Variants in LIPC observed in about 807,000 individuals in gnomAD.
LIPC encodes the protein lipase C, hepatic type, also known as hepatic triacylglycerol lipase.
Under a neutral mutation model 50.7 loss-of-function variants are expected in LIPC, and 44 were observed. The ratio of observed to expected loss-of-function variants is 0.87; its 90% CI spans 0.68 to 1.11. LIPC has a LOEUF of 1.11. LIPC is among the 50% of genes most tolerant of loss of function. The pLI is 0.00. For synonymous variants in LIPC, 271 were observed against 256.4 expected (o/e 1.06, Z -0.54); for missense variants, 697 against 648.2 (o/e 1.08, Z -0.82).
intron 1 of LIPC, among the ~76,000 whole-genome samples, chr15:58,519,777 C>T (rs1204380199): frequency 6.6e-6 from 1 of 152,162 alleles, no homozygotes; most frequent in Non-Finnish European, 1.5e-5. Flanking sequence ...CATCAGCAGC[C>T]CTTGCTCTTA....
At chr15:58,505,982 A>T (rs1410928755) in intron 1 of LIPC, among the ~76,000 whole-genome samples, 1 of 152,012 alleles carries the variant, frequency 6.6e-6, no homozygotes, top group Non-Finnish European at 1.5e-5. Context: ...TGGGCTTTGG[A>T]TAGAGGAATT....
intron 1 of LIPC, among the ~76,000 whole-genome samples, chr15:58,501,574 A>G (rs1891986460): frequency 1.3e-5 from 2 of 152,156 alleles, no homozygotes; most frequent in Non-Finnish European, 2.9e-5. Context: ...TTTAGTTTTT[A>G]TAAGAACTTC....
At chr15:58,560,725 CA>C (rs1345869594) in intron 6 of LIPC, 138 bp from the exon 7 acceptor site, 13 of 610,054 alleles carry the variant, frequency 2.1e-5, no homozygotes, top group African/African-American at 1.5e-4. Context: ...CATTTAGGAG[CA>C]AAAAAATGTT....
chr15:58,442,876 A>G (rs375028890), intron 1 of LIPC, among the ~76,000 whole-genome samples: 1 of 152,178 alleles, frequency 6.6e-6, no homozygotes, highest in African/African-American at 2.4e-5. Context: ...CAGAGCCCAC[A>G]TGGGTATCTG....
chr15:58,564,908 C>T (rs1273835046), intron 8 of LIPC, among the ~76,000 whole-genome samples: 2 of 152,132 alleles, frequency 1.3e-5, no homozygotes, highest in Non-Finnish European at 2.9e-5. Context: ...CTCTTCCCTT[C>T]TCTATTCAGG....
chr15:58,560,313 A>G (rs1286730114), intron 6 of LIPC, among the ~76,000 whole-genome samples: 4 of 152,224 alleles, frequency 2.6e-5, no homozygotes, highest in Non-Finnish European at 5.9e-5. Flanking sequence ...CCATTAGGAA[A>G]TACACTTATT....
intron 1 of LIPC, among the ~76,000 whole-genome samples, chr15:58,519,443 T>C (rs1422378376): frequency 1.3e-5 from 2 of 151,120 alleles, no homozygotes; most frequent in African/African-American, 4.9e-5. Context: ...AGAACTACAC[T>C]TCTAGCCAGT....
intron 1 of LIPC, among the ~76,000 whole-genome samples, chr15:58,517,572 T>C (rs1892523506): frequency 6.6e-6 from 1 of 152,152 alleles, no homozygotes; most frequent in Admixed American, 6.5e-5. Flanking sequence ...TGCAGGGATG[T>C]TTGAAGCCCT....
intron 1 of LIPC, among the ~76,000 whole-genome samples, chr15:58,469,686 A>C (rs1894714147): frequency 6.6e-6 from 1 of 152,254 alleles, no homozygotes; most frequent in African/African-American, 2.4e-5. Context: ...TTTACAGCCC[A>C]GAGCAGAGAA....
chr15:58,556,214 T>C (rs1172056151), intron 6 of LIPC, among the ~76,000 whole-genome samples: 1 of 152,330 alleles, frequency 6.6e-6, no homozygotes, highest in African/African-American at 2.4e-5. Context: ...CAGTTATATA[T>C]GCATGTTGTT....
intron 1 of LIPC, among the ~76,000 whole-genome samples, chr15:58,527,907 C>G (rs1346457600): frequency 2.0e-5 from 3 of 152,124 alleles, no homozygotes; most frequent in Non-Finnish European, 4.4e-5. Flanking sequence ...TAGGGAGGTT[C>G]AAGGACTAGA....
rs539676955 is a variant in LIPC at position 58,452,248 on chromosome 15, C to G, written c.88+20128C>G. On this transcript the variant is annotated intron_variant, in intron 1 of 8. Coordinates refer to ENST00000299022, the MANE Select transcript of LIPC (RefSeq NM_000236.3). ...CACTCAAGACCTCCTGAATCAGAAA[C>G]TCTGGGTATGGGGCCCGGCAGTCTG... is the stretch of plus-strand genomic sequence containing the variant. 9.2e-5 allele frequency among the ~76,000 whole-genome samples: 14 copies of G among 152,322 alleles called. No individual in the cohort carries two copies. The East Asian group carries it at 2.5e-3, about 27-fold the overall frequency.
rs115364213 is a variant in LIPC at position 58,471,915 on chromosome 15, T to C, written c.88+39795T>C. ...TGAAGCTCCCTGAGGGCAGGGGACA[T>C]AGCTCTTTGGGGCCATAAAGGCATT... On this transcript the variant is annotated intron_variant, in intron 1 of 8. Transcript: ENST00000299022. Among the ~76,000 whole-genome samples the C allele has an allele frequency of 4.5e-3, 685 of 152,192 alleles. 6 individuals are homozygous for C. The highest frequency in any genetic ancestry group is 0.016 in the African/African-American group (659 of 41,524).
At chr15:58,441,353 T>G (rs1893503932) in intron 1 of LIPC, among the ~76,000 whole-genome samples, 1 of 152,236 alleles carries the variant, frequency 6.6e-6, no homozygotes, top group African/African-American at 2.4e-5. Context: ...TATCTTATTC[T>G]ACATCTGAAA....
intron 1 of LIPC, among the ~76,000 whole-genome samples, chr15:58,482,795 G>A (rs1891237462): frequency 6.6e-6 from 1 of 152,182 alleles, no homozygotes; most frequent in Non-Finnish European, 1.5e-5. Context: ...ATCAAGACCA[G>A]TCCTCCCTGG....
At chr15:58,517,583 G>T (rs1410370790) in intron 1 of LIPC, among the ~76,000 whole-genome samples, 1 of 152,150 alleles carries the variant, frequency 6.6e-6, no homozygotes, top group Admixed American at 6.6e-5. Flanking sequence ...TTGAAGCCCT[G>T]CCCACAGTTC....
At chr15:58,467,572 C>A (rs533616435) in intron 1 of LIPC, among the ~76,000 whole-genome samples, 14 of 152,112 alleles carry the variant, frequency 9.2e-5, no homozygotes, top group African/African-American at 1.9e-4. Context: ...CCTGGGCTTA[C>A]GTCAGGCTGT....
At chr15:58,444,120 G>A (rs1039808985) in intron 1 of LIPC, among the ~76,000 whole-genome samples, 1 of 152,176 alleles carries the variant, frequency 6.6e-6, no homozygotes, top group African/African-American at 2.4e-5. Flanking sequence ...CTTCCTGCCT[G>A]CGACACAGGT....
chr15:58,443,458 C>T (rs915512848), intron 1 of LIPC, among the ~76,000 whole-genome samples: 1 of 152,182 alleles, frequency 6.6e-6, no homozygotes, highest in Non-Finnish European at 1.5e-5. Context: ...ACCCAGGCAG[C>T]CCATAGAAGG....
Sources: gnomAD v4.1 joint callset for allele counts (sites outside exome capture counted in the v4.1 genomes callset) on GRCh38, gnomAD v4.1.1 for gene constraint, MANE v1.5 for transcripts, NCBI Gene and HGNC (gene_info 2026-07-23, HGNC 2026-07-21) for gene names.